The following CRACD variants were observed in gnomAD, a reference collection of about 807,000 sequenced individuals.
The protein encoded by CRACD is capping protein inhibiting regulator of actin dynamics.
In CRACD, 56 loss-of-function variants were observed where a neutral mutation model predicts 106.8. The ratio of observed to expected loss-of-function variants is 0.52; its 90% CI spans 0.42 to 0.66. The LOEUF (loss-of-function observed/expected upper bound fraction) is 0.66, where lower values mean the gene tolerates loss of function less well. Among genes scored for constraint, CRACD ranks in the 30% least tolerant of loss-of-function variants. CRACD has a pLI of 0.00. For missense variants in CRACD, 1,730 were observed against 1,623.2 expected (o/e 1.07, Z -1.13); for synonymous variants, 754 against 670.8 (o/e 1.12, Z -1.92).
At position 56,172,641 on chromosome 4, in the gene CRACD, TTGA is replaced by T. The variant is rs1455193580; in HGVS notation, c.-335-6642_-335-6640del. On this transcript the variant is annotated intron_variant, in intron 1 of 10. Transcript: ENST00000682029. ...CCACGCCCAGCTAATTTTTTTTTTT[TTGA>T]GACAGCATCTTGCTCTGTCACCAGG... is the stretch of plus-strand genomic sequence containing the variant. 2.6e-5 allele frequency among the ~76,000 whole-genome samples: 4 copies of T among 151,872 alleles called. No homozygotes were observed. In the East Asian group the frequency reaches 7.7e-4, roughly 29 times the overall value.
chr4:56,112,357 C>T (rs868775609), intron 1 of CRACD, among the ~76,000 whole-genome samples: 41 of 152,106 alleles, frequency 2.7e-4, no homozygotes, highest in African/African-American at 7.0e-4. Context: ...CAGGCAAAGT[C>T]GTAAATCAGG....
At chr4:56,209,660 A>G (rs1322591924) in intron 2 of CRACD, among the ~76,000 whole-genome samples, 2 of 152,198 alleles carry the variant, frequency 1.3e-5, no homozygotes, top group East Asian at 1.9e-4. Context: ...TCTATACCAT[A>G]CAAAAATAAG....
At position 56,314,723 on chromosome 4, in the gene CRACD, G is replaced by A. The variant is rs1417478937; in HGVS notation, c.1221G>A (p.Glu407=). ...AGGATCTGGGGGAAGAGGAGGAGGA[G>A]GGCCAGGCGCACCTGGAGGACTGGA... is the stretch of plus-strand genomic sequence containing the variant. ...EEEDLGEEEE[E]GQAHLEDWRG... Residue 407 remains glutamate (E), a synonymous_variant, in exon 8 of 11, where the codon GAG becomes GAA. Transcript: ENST00000682029. This position sits in a 1 kb window ranked among gnomAD's most constrained non-coding sequence, Gnocchi z 4.4. 3 of 1,569,750 alleles carry A rather than the reference G, an allele frequency of 1.9e-6. No homozygotes were observed. The highest frequency in any genetic ancestry group is 2.6e-6 in the Non-Finnish European group (3 of 1,157,626).
At chr4:56,084,382 C>T (rs1164068395) in intron 1 of CRACD, among the ~76,000 whole-genome samples, 2 of 152,012 alleles carry the variant, frequency 1.3e-5, no homozygotes, top group Non-Finnish European at 2.9e-5. Flanking sequence ...TCAATAAAGA[C>T]ACTGAACCTG....
chr4:56,080,891 C>T (rs1162227760), intron 1 of CRACD, among the ~76,000 whole-genome samples: 2 of 152,222 alleles, frequency 1.3e-5, no homozygotes, highest in East Asian at 3.8e-4. Flanking sequence ...AGAAGCAATG[C>T]CTTTCTCCCT....
rs1577926831 is a variant in CRACD, at chr4:56,328,971, G to A, written c.*1167G>A. ...TTGTAATAAGGACTTCCTGCAGAAA[G>A]TCTTTTCTTTACTATAATTGAGTAA... On this transcript the variant is annotated 3_prime_UTR_variant, in exon 11 of 11. Coordinates refer to ENST00000682029, the MANE Select transcript of CRACD (RefSeq NM_001393381.1). 6.6e-6 allele frequency among the ~76,000 whole-genome samples: 1 copy of A among 152,206 alleles called. No individual in the cohort carries two copies. The highest frequency in any genetic ancestry group is 1.9e-4 in the East Asian group (1 of 5,190).
chr4:56,268,378 A>G (rs1394904639), intron 2 of CRACD, among the ~76,000 whole-genome samples: 2 of 152,078 alleles, frequency 1.3e-5, no homozygotes, highest in Non-Finnish European at 2.9e-5. Flanking sequence ...TGATATTCTT[A>G]TAATGTTGCT....
chr4:56,280,590 C>T (rs1319189517), intron 3 of CRACD, among the ~76,000 whole-genome samples: 9 of 152,290 alleles, frequency 5.9e-5, no homozygotes, highest in South Asian at 4.1e-4. Flanking sequence ...CCGCCTCTAA[C>T]GCTGGGCCCG....
At chr4:56,175,076 A>C (rs1736528114) in intron 1 of CRACD, among the ~76,000 whole-genome samples, 1 of 152,190 alleles carries the variant, frequency 6.6e-6, no homozygotes, top group South Asian at 2.1e-4. Flanking sequence ...CCCTCCCCTG[A>C]CAGGTGGGGA....
At chr4:56,205,784 A>T (rs996899848) in intron 2 of CRACD, among the ~76,000 whole-genome samples, 5 of 152,066 alleles carry the variant, frequency 3.3e-5, no homozygotes, top group Non-Finnish European at 7.4e-5. Flanking sequence ...AGCTGAAAAA[A>T]CTACTTTATT....
intron 1 of CRACD, among the ~76,000 whole-genome samples, chr4:56,059,468 C>G (rs1280651938): frequency 6.6e-6 from 1 of 152,108 alleles, no homozygotes; most frequent in East Asian, 1.9e-4. Flanking sequence ...AGAATTAGAC[C>G]TTGTCTCAAA....
intron 4 of CRACD, among the ~76,000 whole-genome samples, chr4:56,307,235 G>C (rs1479042061): frequency 6.6e-6 from 1 of 152,100 alleles, no homozygotes; most frequent in Middle Eastern, 3.4e-3. Flanking sequence ...CCAACTTTTG[G>C]TTCAGAAAAT....
chr4:56,152,082 T>C (rs1735601118), intron 1 of CRACD, among the ~76,000 whole-genome samples: 1 of 151,064 alleles, frequency 6.6e-6, no homozygotes, highest in Non-Finnish European at 1.5e-5. Context: ...CGGTCTCGGC[T>C]CACTGCCAGC....
chr4:56,315,138 A>C lies in CRACD; in HGVS notation c.1636A>C (p.Lys546Gln), dbSNP rs1745505813. 6.2e-7 allele frequency: 1 copy of C among 1,608,688 alleles called. No individual in the cohort carries two copies. Among genetic ancestry groups the C allele is most frequent in the African/African-American group, 1.3e-5 (1 of 74,828 alleles). The change falls in exon 8 of 11, where the codon AAG becomes CAG. Residue 546 changes from lysine (K) to glutamine (Q), a missense_variant. Coordinates refer to ENST00000682029, the MANE Select transcript of CRACD (RefSeq NM_001393381.1). This position sits in a 1 kb window ranked among gnomAD's most constrained non-coding sequence, Gnocchi z 4.1. ...PYTFQVSSGG[K>Q]QILFPKVNLS... ...CACGTTCCAGGTGTCCTCCGGAGGGAAGCAGATTCTCTTTCCCAAAGTCAA... is the reference window on the plus strand; with the variant it reads ...CACGTTCCAGGTGTCCTCCGGAGGGCAGCAGATTCTCTTTCCCAAAGTCAA...
At chr4:56,257,284 A>G (rs1741419784) in intron 2 of CRACD, among the ~76,000 whole-genome samples, 1 of 151,784 alleles carries the variant, frequency 6.6e-6, no homozygotes, top group South Asian at 2.1e-4. Flanking sequence ...GTTTTGCCAT[A>G]CTGGCCAGGC....
At chr4:56,224,706 T>C (rs1319337999) in intron 2 of CRACD, among the ~76,000 whole-genome samples, 2 of 152,238 alleles carry the variant, frequency 1.3e-5, no homozygotes, top group Non-Finnish European at 2.9e-5. Flanking sequence ...TATATTGACC[T>C]AATTTCTTTC....
chr4:56,287,337 C>T (rs1188562482), intron 3 of CRACD, among the ~76,000 whole-genome samples: 1 of 151,654 alleles, frequency 6.6e-6, no homozygotes, highest in Non-Finnish European at 1.5e-5. Flanking sequence ...GGCTGGAGTG[C>T]AGTGGCATGA....
intron 1 of CRACD, among the ~76,000 whole-genome samples, chr4:56,134,191 C>G (rs1470578013): frequency 6.7e-6 from 1 of 148,436 alleles, no homozygotes; most frequent in Non-Finnish European, 1.5e-5. Flanking sequence ...GGCAGTGAGA[C>G]CCTGTCTCAA....
At chr4:56,080,481 A>G (rs1577950151) in intron 1 of CRACD, among the ~76,000 whole-genome samples, 1 of 152,248 alleles carries the variant, frequency 6.6e-6, no homozygotes, top group East Asian at 1.9e-4. Flanking sequence ...ATCAGATGTC[A>G]CGTCTGCCAG....
Sources: gnomAD v4.1 joint callset for allele counts (sites outside exome capture counted in the v4.1 genomes callset) on GRCh38, gnomAD v4.1.1 for gene constraint, Gnocchi (gnomAD v3.1) non-coding constraint, MANE v1.5 for transcripts, NCBI Gene and HGNC (gene_info 2026-07-23, HGNC 2026-07-21) for gene names.